The following CFP variants were observed in gnomAD, a reference collection of about 807,000 sequenced individuals.
The protein encoded by CFP is complement factor properdin.
A neutral mutation model predicts 42.1 loss-of-function variants in CFP; 14 were observed. The ratio of observed to expected loss-of-function variants is 0.33; its 90% CI spans 0.22 to 0.52. CFP has a LOEUF of 0.52. Ranked by LOEUF, CFP falls within the 20% of genes least tolerant of loss-of-function variation. The pLI, the probability that CFP is intolerant of heterozygous loss-of-function variation, is 0.96. For missense variants in CFP, 318 were observed against 400.4 expected (o/e 0.79, Z 1.76); for synonymous variants, 149 against 160.6 (o/e 0.93, Z 0.54).
intron 8 of CFP, chrX:47,625,618 G>T: frequency 5.1e-6 from 1 of 197,962 alleles, no homozygotes; most frequent in African/African-American, 2.9e-5. Flanking sequence ...TGCTCAGCTG[G>T]GTCCCTTGGA....
In CFP at chrX:47,629,761, C is replaced by T. The variant is rs2057983903; in HGVS notation, c.76+8G>A. On this transcript the variant is annotated splice_region_variant and intron_variant, in intron 1 of 8. Coordinates refer to ENST00000396992, the MANE Select transcript of CFP (RefSeq NM_001145252.3). ...CCCCTGGGGCCAGCTGGGCCCTCAC[C>T]CCCTCACCTGTGGCTGGCAGGGTGA... 7.7e-6 allele frequency: 9 copies of T among 1,166,885 alleles called. No individual in the cohort carries two copies. Among genetic ancestry groups the T allele is most frequent in the African/African-American group, 1.8e-5 (1 of 55,702 alleles).
chrX:47,629,676 T>G lies in CFP; in HGVS notation c.77-2A>C. On this transcript the variant is annotated splice_acceptor_variant, in intron 1 of 8. Coordinates refer to ENST00000396992, the MANE Select transcript of CFP (RefSeq NM_001145252.3). LOFTEE classifies it high-confidence loss of function. Reference sequence around the variant, plus strand: ...TGAAGCAGAGCACGGGGTCTGAGCCTGTAACAGGGCCAGGGGATGGGTGGG... The same window carrying G: ...TGAAGCAGAGCACGGGGTCTGAGCCGGTAACAGGGCCAGGGGATGGGTGGG... 8.6e-7 allele frequency: 1 copy of G among 1,160,632 alleles called. No homozygotes were observed. Among genetic ancestry groups the G allele is most frequent in the Non-Finnish European group, 1.2e-6 (1 of 868,099 alleles).
intron 8 of CFP, 158 bp from the exon 9 acceptor site, chrX:47,624,598 A>T: frequency 2.3e-6 from 1 of 434,944 alleles, no homozygotes; most frequent in Admixed American, 5.5e-5. Context: ...TCTGTTGCCC[A>T]GGCTGCAGTG....
Position 47,626,422 on chromosome X carries a change from G to A in CFP, c.1038C>T (p.Arg346=), listed in dbSNP as rs764064120. ...ACTTGCGGCCCCTGCAGGTCCTCCC[G>A]CGTGACTGCTGGCCCGGGATTTCTT... The part of the protein sequence containing the change: ...SCQEIPGQQS[R]GRTCRGRKFD... The change falls in exon 7 of 9, where the codon CGC becomes CGT. Residue 346 remains arginine (R), a synonymous_variant. Transcript: ENST00000396992. The A allele has an allele frequency of 2.0e-5, 24 of 1,211,508 alleles. No individual in the cohort carries two copies. The highest frequency in any genetic ancestry group is 2.2e-5 in the Non-Finnish European group (20 of 895,406).
intron 2 of CFP, chrX:47,628,803 G>A: frequency 4.2e-6 from 1 of 236,727 alleles, no homozygotes. Flanking sequence ...AGCTCCCCAT[G>A]CCCACGGTGT....
At chrX:47,630,015 C>A, upstream of CFP, 1 of 496,902 alleles carries the variant, frequency 2.0e-6, no homozygotes. Context: ...TCTCCCCTCC[C>A]CATTTCCTGT....
chrX:47,625,958 C>T (rs2057966257), intron 8 of CFP, 100 bp downstream of exon 8: 5 of 677,608 alleles, frequency 7.4e-6, no homozygotes, highest in Non-Finnish European at 1.2e-5. Context: ...AGGCAGATAC[C>T]TTAGATTCAG....
intron 5 of CFP, 42 bp from the exon 6 acceptor site, chrX:47,626,988 A>G (rs1337181605): frequency 8.7e-7 from 1 of 1,149,564 alleles, no homozygotes; most frequent in Non-Finnish European, 1.2e-6. Flanking sequence ...GGCCTCCTCA[A>G]TCCTTCCTCT....
At chrX:47,625,971 G>T in intron 8 of CFP, 87 bp downstream of exon 8, 1 of 773,258 alleles carries the variant, frequency 1.3e-6, no homozygotes, top group Non-Finnish European at 2.0e-6. Flanking sequence ...AGATTCAGCA[G>T]TGGAAACCCT....
Position 47,623,606 on chromosome X carries a change from G to A in CFP, c.*669C>T, listed in dbSNP as rs1179524366. On this transcript the variant is annotated 3_prime_UTR_variant, in exon 9 of 9. Transcript: ENST00000396992. ...GGCGGATACTGACTCTAGCTTCTTT[G>A]CCCCTCCTCAGCTCAGAGCGCAACA... 1 of 113,671 alleles carries A rather than the reference G, an allele frequency of 8.8e-6. No homozygotes were observed. Among genetic ancestry groups the A allele is most frequent in the Non-Finnish European group, 1.9e-5 (1 of 53,975 alleles). The allele number at this position is 113,671 out of a possible 1,213,427, so 9.4% of individuals were successfully genotyped here. A position where few individuals can be genotyped will look rare whatever the true frequency, so the allele number is the denominator to read the frequency against.
At position 47,624,490 on chromosome X, in the gene CFP, C is replaced by T. The variant is rs185480444; in HGVS notation, c.1245-50G>A. ...ACGGAAGGGAGAATCTCAGGGAAGG[C>T]AAGAATGCATTCAATTCTTATTGAG... On this transcript the variant is annotated intron_variant, in intron 8 of 8. Transcript: ENST00000396992. The T allele has an allele frequency of 4.9e-5, 53 of 1,089,510 alleles. No individual in the cohort carries two copies. In the African/African-American group the frequency reaches 9.0e-4, roughly 18 times the overall value. 89.8% of individuals were successfully genotyped at this position (1,089,510 alleles called of 1,213,427 possible). A position where few individuals can be genotyped will look rare whatever the true frequency, so the allele number is the denominator to read the frequency against.
chrX:47,626,008 G>T, intron 8 of CFP, 50 bp downstream of exon 8: 1 of 1,034,728 alleles, frequency 9.7e-7, no homozygotes, highest in East Asian at 3.3e-5. Flanking sequence ...CGACTCTCCC[G>T]CCTGTAATAT....
Position 47,624,327 on chromosome X carries a change from C to T in CFP, c.1358G>A (p.Arg453Gln). 8.3e-7 allele frequency: 1 copy of T among 1,210,352 alleles called. No homozygotes were observed. Among genetic ancestry groups the T allele is most frequent in the Non-Finnish European group, 1.1e-6 (1 of 895,085 alleles). ...QGQKLVVEEK[R>Q]PCLHVPACKD... ...GCAAGCAGGCACGTGTAGACATGGT[C>T]GTTTCTCCTCCACCACCAGCTTCTG... Residue 453 changes from arginine (R) to glutamine (Q), a missense_variant, in exon 9 of 9, where the codon CGA (arginine) becomes CAA (glutamine). Physicochemically the swap from Arg to Gln is conservative, Grantham distance 43 (BLOSUM62 1). Transcript: ENST00000396992.
intron 8 of CFP, 56 bp downstream of exon 8, chrX:47,626,002 T>C (rs2057966441): frequency 9.8e-7 from 1 of 1,016,425 alleles, no homozygotes; most frequent in African/African-American, 1.9e-5. Context: ...GGTAGCCGAC[T>C]CTCCCGCCTG....
At position 47,627,240 on chromosome X, in the gene CFP, T is replaced by C. The variant is rs759212643; in HGVS notation, c.667A>G (p.Lys223Glu). 9.9e-6 allele frequency: 12 copies of C among 1,210,717 alleles called. No individual in the cohort carries two copies. The highest frequency in any genetic ancestry group is 1.3e-5 in the Non-Finnish European group (12 of 894,951). Residue 223 changes from lysine (K) to glutamate (E), a missense_variant, in exon 5 of 9, where the codon AAG (lysine) becomes GAG (glutamate). Lys to Glu is a moderately conservative substitution (Grantham distance 56). Transcript: ENST00000396992. The stretch of plus-strand genomic sequence containing the variant: ...TGGGAGGGCTCAGGTGCAGAACACT[T>C]GCGGCTTCGTGTCTCCTTAGGTTCG... ...PHEPKETRSR[K>E]CSAPEPSQKP...
At position 47,627,325 on chromosome X, in the gene CFP, C is replaced by A. The variant is rs781475195; in HGVS notation, c.582G>T (p.Gly194=). 3.4e-5 allele frequency: 40 copies of A among 1,193,152 alleles called. 1 individual carries two copies. In the Admixed American group the frequency reaches 5.4e-4, roughly 16 times the overall value. The change falls in exon 5 of 9, where the codon GGG becomes GGT. Residue 194 remains glycine, a synonymous_variant. Coordinates refer to ENST00000396992, the MANE Select transcript of CFP (RefSeq NM_001145252.3). ...CDTQQVCPTH[G]AWATWGPWTP... ...TCCAGGGGCCCCAGGTGGCCCAGGC[C>A]CCGTGTGCTGTGGTGGGGTGGGAGG...
At chrX:47,627,792 C>T (rs745716140) in intron 3 of CFP, 151 bp from the exon 4 acceptor site, 285 of 626,283 alleles carry the variant, frequency 4.6e-4, no homozygotes, top group Non-Finnish European at 6.3e-4. Context: ...CCTGCCGCAG[C>T]AACCTTCACA....
At chrX:47,626,611 G>C in intron 6 of CFP, 92 bp from the exon 7 acceptor site, 1 of 1,067,698 alleles carries the variant, frequency 9.4e-7, no homozygotes, top group Non-Finnish European at 1.3e-6. Flanking sequence ...AGGGAGTAGA[G>C]GTGATCAGAT....
At chrX:47,627,933 C>T (rs919037070) in intron 3 of CFP, among the ~76,000 whole-genome samples, 169 bp downstream of exon 3, 6 of 111,509 alleles carry the variant, frequency 5.4e-5, no homozygotes, top group African/African-American at 2.0e-4. Flanking sequence ...CTCTCTGTGG[C>T]CCCCAGGCAA....
Sources: allele counts gnomAD v4.1 joint callset (sites outside exome capture counted in the v4.1 genomes callset), GRCh38; gene constraint gnomAD v4.1.1; transcripts MANE v1.5; gene names NCBI Gene and HGNC (gene_info 2026-07-23, HGNC 2026-07-21).